EVL: variants seen among roughly 807,000 people sequenced by gnomAD.
EVL encodes Enah/Vasp-like.
Under a neutral mutation model 59.6 loss-of-function variants are expected in EVL, and 21 were observed. The observed-to-expected ratio is 0.35, with a 90% confidence interval of 0.25 to 0.51. The LOEUF is 0.51. Ranked by LOEUF, EVL falls within the 20% of genes least tolerant of loss-of-function variation. The probability of loss-of-function intolerance (pLI) is 0.97; values close to 1 mark genes in which losing one functional copy is unlikely to be tolerated. For missense variants in EVL, 462 were observed against 546.6 expected, an observed-to-expected ratio of 0.85 and a Z score of 1.54; for synonymous variants, 198 against 203.5, an observed-to-expected ratio of 0.97 and a Z score of 0.23.
chr14:100,011,433 A>G (rs571346785), intron 1 of EVL, among the ~76,000 whole-genome samples: 2 of 152,244 alleles, frequency 1.3e-5, no homozygotes, highest in South Asian at 4.1e-4. Context: ...AACCTCAAAG[A>G]TTATGGTTTC....
chr14:100,037,517 C>T (rs1304960527), intron 1 of EVL, among the ~76,000 whole-genome samples: 4 of 152,192 alleles, frequency 2.6e-5, no homozygotes, highest in African/African-American at 2.4e-5. Context: ...TCAGTCCCTG[C>T]CTTCTAGATG....
At chr14:100,059,521 G>A (rs2061786659) in intron 1 of EVL, among the ~76,000 whole-genome samples, 1 of 152,214 alleles carries the variant, frequency 6.6e-6, no homozygotes, top group African/African-American at 2.4e-5. Flanking sequence ...TGCATGTACA[G>A]AGTGAGATTC....
chr14:100,028,409 A>T lies in EVL; in HGVS notation c.6-56278A>T, dbSNP rs541321075. On this transcript the variant is annotated intron_variant, in intron 1 of 13. Coordinates refer to the EVL transcript ENST00000402714. The stretch of plus-strand genomic sequence containing the variant: ...AAATGTCTATTCAGATCTTTTGCCC[A>T]TTTTTAAATCAGAATATATGTTTTC... 8.9e-4 allele frequency among the ~76,000 whole-genome samples: 135 copies of T among 152,198 alleles called. 1 individual carries two copies. The highest frequency in any genetic ancestry group is 3.2e-3 in the African/African-American group (135 of 41,554).
At chr14:100,006,085 G>A (rs1357202391) in intron 1 of EVL, among the ~76,000 whole-genome samples, 3 of 146,690 alleles carry the variant, frequency 2.0e-5, no homozygotes, top group South Asian at 2.1e-4. Context: ...CAGAGGCCTC[G>A]TTCCCCATAA....
intron 3 of EVL, among the ~76,000 whole-genome samples, chr14:100,115,111 T>C (rs1887252304): frequency 6.6e-6 from 1 of 152,170 alleles, no homozygotes; most frequent in African/African-American, 2.4e-5. Context: ...AGATTTTTAT[T>C]GCTATTTGTT....
chr14:100,019,805 C>A, intron 1 of EVL: 1 of 1,026,192 alleles, frequency 9.7e-7, no homozygotes, highest in Non-Finnish European at 1.4e-6. Context: ...GGGTTCTTTT[C>A]AGCTTGTGGT....
intron 1 of EVL, among the ~76,000 whole-genome samples, chr14:100,057,892 G>A (rs990957098): frequency 6.6e-6 from 1 of 152,126 alleles, no homozygotes; most frequent in African/African-American, 2.4e-5. Context: ...CTAATTTTGG[G>A]TAGCCATTTC....
Position 100,093,435 on chromosome 14 carries a change from G to A in EVL, c.181-4046G>A, listed in dbSNP as rs116087563. On this transcript the variant is annotated intron_variant, in intron 2 of 13. Transcript: ENST00000392920. ...GGGTTTTAATGCAGAACCCTCTGAC[G>A]TAAAACCCTCTGCTCATTCCTTGTA... is the stretch of plus-strand genomic sequence containing the variant. 7.2e-3 allele frequency among the ~76,000 whole-genome samples: 1,089 copies of A among 152,230 alleles called. 11 individuals are homozygous for A. The highest frequency in any genetic ancestry group is 0.024 in the African/African-American group (980 of 41,536).
At chr14:100,065,831 A>G (rs1020111142) in intron 1 of EVL, among the ~76,000 whole-genome samples, 10 of 151,924 alleles carry the variant, frequency 6.6e-5, no homozygotes, top group Admixed American at 2.0e-4. Context: ...CATCTAGGGG[A>G]ATTGTTGTTT....
At chr14:100,139,197 G>C (rs1211466584) in intron 11 of EVL, 4 of 152,272 alleles carry the variant, frequency 2.6e-5, no homozygotes, top group Non-Finnish European at 4.4e-5. Flanking sequence ...GCCACGTCCT[G>C]CTGGTGGAGC....
intron 1 of EVL, among the ~76,000 whole-genome samples, chr14:100,058,864 T>G (rs1404495726): frequency 2.0e-5 from 3 of 152,198 alleles, no homozygotes; most frequent in Non-Finnish European, 4.4e-5. Context: ...AGTACTCTAT[T>G]TTATCTACGT....
intron 8 of EVL, among the ~76,000 whole-genome samples, chr14:100,133,582 C>G (rs931886425): frequency 6.6e-6 from 1 of 152,218 alleles, no homozygotes; most frequent in Non-Finnish European, 1.5e-5. Context: ...ATATGGGTCC[C>G]TTTGCCCCAC....
chr14:100,024,666 C>T (rs974848454), intron 1 of EVL, among the ~76,000 whole-genome samples: 3 of 152,132 alleles, frequency 2.0e-5, no homozygotes, highest in Non-Finnish European at 4.4e-5. Context: ...GCCTGGATTG[C>T]CCTGCCCCCA....
At chr14:100,140,764 C>T (rs564762405) in intron 11 of EVL, 6 of 164,524 alleles carry the variant, frequency 3.6e-5, no homozygotes, top group Admixed American at 1.9e-4. Context: ...TGCCTCCTGC[C>T]GCCGCTGCTG....
upstream of EVL, among the ~76,000 whole-genome samples, chr14:100,062,356 A>G (rs1194938051): frequency 2.0e-5 from 3 of 152,044 alleles, no homozygotes; most frequent in Non-Finnish European, 4.4e-5. Flanking sequence ...CATTTTACTG[A>G]AGTGGTACAA....
chr14:100,141,134 C>G (rs369835034), intron 11 of EVL, 46 bp from the exon 12 acceptor site: 7 of 1,599,450 alleles, frequency 4.4e-6, no homozygotes, highest in Middle Eastern at 3.3e-4. Context: ...AGCTTTCCCC[C>G]ACACCTGTCT....
chr14:100,052,961 G>A (rs1405293514), intron 1 of EVL: 3 of 152,324 alleles, frequency 2.0e-5, no homozygotes, highest in African/African-American at 4.8e-5. Flanking sequence ...CTGGCTTGCA[G>A]ATGGCCACCT....
intron 1 of EVL, among the ~76,000 whole-genome samples, chr14:100,021,642 A>T (rs997430719): frequency 1.3e-5 from 2 of 152,056 alleles, no homozygotes; most frequent in African/African-American, 4.8e-5. Flanking sequence ...AGATTGCTGG[A>T]CCCCACTCCC....
chr14:100,094,101 A>G (rs1885635699), intron 2 of EVL, among the ~76,000 whole-genome samples: 1 of 152,122 alleles, frequency 6.6e-6, no homozygotes, highest in Non-Finnish European at 1.5e-5. Context: ...CTGCATGGAT[A>G]AGCGGGGACT....
Sources: allele counts gnomAD v4.1 joint callset (sites outside exome capture counted in the v4.1 genomes callset), GRCh38; gene constraint gnomAD v4.1.1; transcripts MANE v1.5; gene names NCBI Gene and HGNC (gene_info 2026-07-23, HGNC 2026-07-21).